DYSF: variants seen among roughly 807,000 people sequenced by gnomAD.
The protein encoded by DYSF is dystrophy-associated fer-1-like 1.
DYSF carries 212 observed loss-of-function variants against 274.9 expected under a neutral mutation model. The ratio of observed to expected loss-of-function variants is 0.77; its 90% CI spans 0.69 to 0.86. The LOEUF is 0.86. DYSF is among the 40% of genes least tolerant of loss of function. The probability of loss-of-function intolerance (pLI) is 0.00; values close to 1 mark genes in which losing one functional copy is unlikely to be tolerated. For synonymous variants in DYSF, 1,091 were observed against 1,078.7 expected, an observed-to-expected ratio of 1.01 and a Z score of -0.22; for missense variants, 2,666 against 2,783.2, an observed-to-expected ratio of 0.96 and a Z score of 0.95.
intron 51 of DYSF, among the ~76,000 whole-genome samples, chr2:71,673,674 C>T (rs540410268): frequency 1.2e-3 from 179 of 152,220 alleles, no homozygotes; most frequent in African/African-American, 4.0e-3. Flanking sequence ...GAGAGCAGGA[C>T]TCTGGAACCC....
At chr2:71,500,381 G>T (rs2084858259) in intron 3 of DYSF, among the ~76,000 whole-genome samples, 1 of 152,170 alleles carries the variant, frequency 6.6e-6, no homozygotes, top group South Asian at 2.1e-4. Flanking sequence ...TCCTTCTACA[G>T]GAGTGGGGGC....
rs1162677277 is a variant in DYSF, at chr2:71,674,406, T to A, written c.5884+110T>A. ...TGGGGAAGCCTAGCAGGAGGAGTGATCCCACTTTCTGCTTTCAGGGAGCTC... is the reference window on the plus strand; with the variant it reads ...TGGGGAAGCCTAGCAGGAGGAGTGAACCCACTTTCTGCTTTCAGGGAGCTC... On this transcript the variant is annotated intron_variant, in intron 52 of 55. Transcript: ENST00000410020. 3 of 1,041,680 alleles carry A rather than the reference T, an allele frequency of 2.9e-6. No homozygotes were observed. In the African/African-American group the frequency reaches 4.7e-5, roughly 16 times the overall value. The allele number at this position is 1,041,680 out of a possible 1,614,324, so 64.5% of individuals were successfully genotyped here. A position where few individuals can be genotyped will look rare whatever the true frequency, so the allele number is the denominator to read the frequency against.
chr2:71,592,358 G>A (rs1404066015), intron 32 of DYSF, among the ~76,000 whole-genome samples: 1 of 151,842 alleles, frequency 6.6e-6, no homozygotes, highest in Admixed American at 6.6e-5. Context: ...CATCCCTTGA[G>A]CTTTGAGGGC....
chr2:71,485,874 T>A (rs2083317819), intron 3 of DYSF, among the ~76,000 whole-genome samples: 1 of 152,176 alleles, frequency 6.6e-6, no homozygotes, highest in South Asian at 2.1e-4. Context: ...AGTGCAGTGG[T>A]ACGTTCTTGG....
At chr2:71,490,023 T>C (rs2083692493) in intron 3 of DYSF, among the ~76,000 whole-genome samples, 1 of 152,186 alleles carries the variant, frequency 6.6e-6, no homozygotes. Context: ...ATGGGGGCTG[T>C]TGGGAGCAGG....
At chr2:71,675,371 A>G (rs1019935188) in intron 52 of DYSF, among the ~76,000 whole-genome samples, 3 of 152,232 alleles carry the variant, frequency 2.0e-5, no homozygotes, top group Non-Finnish European at 4.4e-5. Context: ...CCAGGAAGTC[A>G]GGATCCCTGG....
chr2:71,648,719 T>C (rs2094606016), intron 42 of DYSF, among the ~76,000 whole-genome samples: 1 of 152,204 alleles, frequency 6.6e-6, no homozygotes, highest in South Asian at 2.1e-4. Flanking sequence ...AATAATTCTT[T>C]GGGTAGTCAT....
intron 40 of DYSF, among the ~76,000 whole-genome samples, chr2:71,617,856 G>GTA (rs1491215534): frequency 1.3e-3 from 53 of 40,958 alleles, no homozygotes; most frequent in Non-Finnish European, 2.2e-3. Flanking sequence ...TAGAGATGGG[G>GTA]TGTGTGTGTG....
chr2:71,497,251 C>T (rs2084495239), intron 3 of DYSF, among the ~76,000 whole-genome samples: 1 of 152,090 alleles, frequency 6.6e-6, no homozygotes, highest in Non-Finnish European at 1.5e-5. Context: ...AAATCAGCCT[C>T]CTCGAAAATT....
intron 30 of DYSF, chr2:71,577,133 T>C (rs1482529660): frequency 6.5e-6 from 1 of 152,860 alleles, no homozygotes; most frequent in Non-Finnish European, 1.5e-5. Context: ...AAGGTTTAGG[T>C]GTGTCTGGCA....
At chr2:71,554,663 TG>T (rs1235108799) in intron 21 of DYSF, among the ~76,000 whole-genome samples, 1 of 152,104 alleles carries the variant, frequency 6.6e-6, no homozygotes, top group African/African-American at 2.4e-5. Context: ...CGACTGGATT[TG>T]GGGCTGAGGA....
intron 30 of DYSF, among the ~76,000 whole-genome samples, chr2:71,581,930 G>A (rs746766071): frequency 6.6e-6 from 1 of 151,988 alleles, no homozygotes; most frequent in Non-Finnish European, 1.5e-5. Context: ...ATCACCTGAG[G>A]TCAGGAGTTT....
chr2:71,466,726 G>A lies in DYSF; in HGVS notation c.-117G>A. 3 of 1,396,706 alleles carry A rather than the reference G, an allele frequency of 2.1e-6. No homozygotes were observed. The highest frequency in any genetic ancestry group is 2.8e-6 in the Non-Finnish European group (3 of 1,073,740). The allele number at this position is 1,396,706 out of a possible 1,614,324, so 86.5% of individuals were successfully genotyped here. On this transcript the variant is annotated 5_prime_UTR_variant, in exon 1 of 56. Coordinates refer to ENST00000410020, the MANE Select transcript of DYSF (RefSeq NM_001130987.2). ...TTCTCCGCGGAGGAGCAGCGAAGGC[G>A]ACAGCTCTCTTGGCGCGGCTGCCTG...
intron 21 of DYSF, among the ~76,000 whole-genome samples, chr2:71,555,349 A>AG (rs1454857290): frequency 3.3e-5 from 5 of 151,328 alleles, no homozygotes; most frequent in African/African-American, 1.2e-4. Flanking sequence ...CTGGGTGGGG[A>AG]GGGGTGTGTC....
chr2:71,631,512 C>T (rs1045702787), intron 41 of DYSF, among the ~76,000 whole-genome samples: 1 of 152,150 alleles, frequency 6.6e-6, no homozygotes, highest in Admixed American at 6.5e-5. Context: ...GTTTGATGCC[C>T]GTCACTGGTG....
At position 71,602,795 on chromosome 2, in the gene DYSF, T is replaced by C; in HGVS notation, c.3947T>C (p.Ile1316Thr). ...GGCCAGGTGCAGGAGACATCAAGGA[T>C]CCTGGATGAGGTGAGCTGGGCGTGG... ...PGFEVQETSR[I>T]LDESEDTDLP... The change falls in exon 36 of 56, where the codon ATC (isoleucine) becomes ACC (threonine). Residue 1316 changes from isoleucine to threonine, a missense_variant. Ile to Thr is a moderately conservative substitution (Grantham distance 89). Coordinates refer to ENST00000410020, the MANE Select transcript of DYSF (RefSeq NM_001130987.2). 1 of 1,613,362 alleles carries C rather than the reference T, an allele frequency of 6.2e-7. No individual in the cohort carries two copies. The highest frequency in any genetic ancestry group is 1.3e-5 in the African/African-American group (1 of 75,022).
intron 1 of DYSF, among the ~76,000 whole-genome samples, chr2:71,476,575 G>A (rs2082411847): frequency 6.6e-6 from 1 of 151,088 alleles, no homozygotes. Context: ...GCACTAAATT[G>A]TGCTTCTTGT....
intron 51 of DYSF, among the ~76,000 whole-genome samples, chr2:71,670,713 G>A (rs1029327873): frequency 1.3e-5 from 2 of 152,322 alleles, no homozygotes; most frequent in Middle Eastern, 3.4e-3. Flanking sequence ...GGCAGAACTC[G>A]AGGACAGCCA....
At position 71,674,209 on chromosome 2, in the gene DYSF, A is replaced by T. The variant is rs1470994157; in HGVS notation, c.5797A>T (p.Arg1933Trp). 1.2e-6 allele frequency: 2 copies of T among 1,614,032 alleles called. No homozygotes were observed. The highest frequency in any genetic ancestry group is 1.7e-6 in the Non-Finnish European group (2 of 1,180,038). ...TCTTCCGGGTCAGGATGCCTTCTGG[A>T]GGCTGGACAAGACTGAGAGCAAAAT... ...CTIAKKDAFW[R>W]LDKTESKIPA... The change falls in exon 52 of 56, where the codon AGG (arginine) becomes TGG (tryptophan). Residue 1933 changes from arginine to tryptophan, a missense_variant. Transcript: ENST00000410020.
Sources: allele counts gnomAD v4.1 joint callset (sites outside exome capture counted in the v4.1 genomes callset), GRCh38; gene constraint gnomAD v4.1.1; transcripts MANE v1.5; gene names NCBI Gene and HGNC (gene_info 2026-07-23, HGNC 2026-07-21).